The following ATP2B1 variants were observed in gnomAD, a reference collection of about 807,000 sequenced individuals.
ATP2B1 encodes the protein ATPase plasma membrane Ca2+ transporting 1.
ATP2B1 carries 14 observed loss-of-function variants against 124.2 expected under a neutral mutation model. That is an observed-to-expected ratio of 0.11 (90% CI 0.07 to 0.18). The LOEUF is 0.18. Among genes scored for constraint, ATP2B1 ranks in the 10% least tolerant of loss-of-function variants. The pLI is 1.00. For synonymous variants in ATP2B1, 449 were observed against 492.4 expected (o/e 0.91, Z 1.17); for missense variants, 763 against 1,466.1 (o/e 0.52, Z 7.83).
intron 20 of ATP2B1, among the ~76,000 whole-genome samples, chr12:89,595,601 T>C (rs1330578257): frequency 3.3e-5 from 5 of 152,098 alleles, no homozygotes; most frequent in Non-Finnish European, 7.4e-5. Context: ...CACCCATAGG[T>C]AGTTCTAAAA....
Position 89,599,113 on chromosome 12 carries a change from A to G in ATP2B1, c.3351+4T>C. 1 of 1,613,272 alleles carries G rather than the reference A, an allele frequency of 6.2e-7. No individual in the cohort carries two copies. The highest frequency in any genetic ancestry group is 1.1e-5 in the South Asian group (1 of 91,040). ...TCTCTCCTACCTCTCTACCAGGCCC[A>G]TACCTGTGTTTGGATTCTGTTCAGA... On this transcript the variant is annotated splice_donor_region_variant and intron_variant, in intron 20 of 20. Coordinates refer to ENST00000428670, the MANE Select transcript of ATP2B1 (RefSeq NM_001366521.1).
intron 1 of ATP2B1, among the ~76,000 whole-genome samples, chr12:89,684,079 T>C (rs895830182): frequency 1.3e-5 from 2 of 151,908 alleles, no homozygotes; most frequent in South Asian, 4.2e-4. Context: ...AAAAGCAAAG[T>C]ACAAAACACA....
chr12:89,643,505 T>C (rs139615430), intron 2 of ATP2B1, among the ~76,000 whole-genome samples: 2 of 152,310 alleles, frequency 1.3e-5, no homozygotes, highest in African/African-American at 4.8e-5. Context: ...TGAATGTACC[T>C]ATTGTCACTT....
chr12:89,646,831 A>T (rs79501713), intron 2 of ATP2B1, among the ~76,000 whole-genome samples: 4 of 149,584 alleles, frequency 2.7e-5, no homozygotes, highest in Non-Finnish European at 6.0e-5. Context: ...TTTTATTTGC[A>T]TTTTTTTTTT....
At chr12:89,600,875 C>T (rs2135927375) in intron 19 of ATP2B1, among the ~76,000 whole-genome samples, 1 of 152,220 alleles carries the variant, frequency 6.6e-6, no homozygotes, top group Non-Finnish European at 1.5e-5. Context: ...TCTCTAACTC[C>T]TTACCTCAGG....
intron 2 of ATP2B1, among the ~76,000 whole-genome samples, chr12:89,643,438 G>T (rs1323954851): frequency 1.3e-5 from 2 of 152,042 alleles, no homozygotes; most frequent in African/African-American, 4.8e-5. Context: ...GTTATACTTC[G>T]ATTGATATAA....
chr12:89,677,969 T>C (rs199990257), intron 1 of ATP2B1, among the ~76,000 whole-genome samples: 15,457 of 58,178 alleles, frequency 0.27, 1,434 homozygotes, highest in Admixed American at 0.32. Context: ...TATATATATA[T>C]ATACACACAC....
chr12:89,691,485 A>G (rs1032611822), intron 1 of ATP2B1, among the ~76,000 whole-genome samples: 1 of 152,200 alleles, frequency 6.6e-6, no homozygotes, highest in Non-Finnish European at 1.5e-5. Flanking sequence ...ACTTGTCATT[A>G]TAAAGACAAA....
chr12:89,589,356 G>A lies in ATP2B1; in HGVS notation c.*1628C>T, dbSNP rs577586567. 2.0e-5 allele frequency: 3 copies of A among 152,594 alleles called. No individual in the cohort carries two copies. The East Asian group carries it at 5.8e-4, about 29-fold the overall frequency. The allele number at this position is 152,594 out of a possible 1,614,324, so 9.5% of individuals were successfully genotyped here. Reference sequence around the variant, plus strand: ...GTAAAGACAGAGGCAAAAAAGAGAAGAAGGTAGATGAAGGAAAGAAAAAGA... The same window carrying A: ...GTAAAGACAGAGGCAAAAAAGAGAAAAAGGTAGATGAAGGAAAGAAAAAGA... On this transcript the variant is annotated 3_prime_UTR_variant, in exon 21 of 21. Coordinates refer to ENST00000428670, the MANE Select transcript of ATP2B1 (RefSeq NM_001366521.1).
chr12:89,678,822 G>A (rs1422736929), intron 1 of ATP2B1, among the ~76,000 whole-genome samples: 4 of 152,018 alleles, frequency 2.6e-5, no homozygotes, highest in East Asian at 3.8e-4. Context: ...CTTCTCATTC[G>A]CACATTTACA....
Position 89,666,614 on chromosome 12 carries a change from C to A in ATP2B1, c.-221-10507G>T, listed in dbSNP as rs181389178. 6.6e-5 allele frequency among the ~76,000 whole-genome samples: 10 copies of A among 152,280 alleles called. No homozygotes were observed. In the East Asian group the frequency reaches 1.4e-3, roughly 21 times the overall value. ...CTCTTATGTCTCACTTGCTCTTTATCCTCCTACCACCCATCTGGTTAATTA... is the reference window on the plus strand; with the variant it reads ...CTCTTATGTCTCACTTGCTCTTTATACTCCTACCACCCATCTGGTTAATTA... On this transcript the variant is annotated intron_variant, in intron 1 of 20. Coordinates refer to ENST00000428670, the MANE Select transcript of ATP2B1 (RefSeq NM_001366521.1).
chr12:89,707,150 TC>T (rs1275949112), intron 1 of ATP2B1, among the ~76,000 whole-genome samples: 1 of 151,682 alleles, frequency 6.6e-6, no homozygotes, highest in Non-Finnish European at 1.5e-5. Flanking sequence ...CCCTCTTAAT[TC>T]CCCCAATCCA....
intron 20 of ATP2B1, among the ~76,000 whole-genome samples, chr12:89,595,606 C>T (rs987487293): frequency 2.0e-5 from 3 of 152,130 alleles, no homozygotes; most frequent in Non-Finnish European, 2.9e-5. Flanking sequence ...ATAGGTAGTT[C>T]TAAAACTATT....
intron 1 of ATP2B1, among the ~76,000 whole-genome samples, chr12:89,667,857 C>T (rs1257782717): frequency 2.6e-5 from 4 of 152,174 alleles, no homozygotes; most frequent in African/African-American, 9.7e-5. Context: ...AAACTACCAA[C>T]ACCATTTTTC....
intron 12 of ATP2B1, among the ~76,000 whole-genome samples, chr12:89,616,153 G>A (rs1020942850): frequency 6.6e-6 from 1 of 152,018 alleles, no homozygotes; most frequent in African/African-American, 2.4e-5. Context: ...TTTGAGGCCG[G>A]TGATCAGATC....
intron 1 of ATP2B1, among the ~76,000 whole-genome samples, chr12:89,677,122 T>C (rs1002488000): frequency 5.3e-5 from 8 of 152,172 alleles, no homozygotes; most frequent in African/African-American, 1.9e-4. Flanking sequence ...ACTCTGTATA[T>C]GTGCAGGGAT....
At chr12:89,617,875 T>C (rs1879263480) in intron 11 of ATP2B1, among the ~76,000 whole-genome samples, 1 of 152,228 alleles carries the variant, frequency 6.6e-6, no homozygotes, top group Non-Finnish European at 1.5e-5. Context: ...ATCATTTTGA[T>C]GTAAGTCTAA....
intron 2 of ATP2B1, among the ~76,000 whole-genome samples, chr12:89,650,474 G>A (rs1885097465): frequency 6.6e-6 from 1 of 152,092 alleles, no homozygotes; most frequent in Non-Finnish European, 1.5e-5. Context: ...AGTTTGGTGG[G>A]GGAGACTGAC....
intron 1 of ATP2B1, among the ~76,000 whole-genome samples, chr12:89,704,349 AAC>A: frequency 6.6e-6 from 1 of 152,334 alleles, no homozygotes; most frequent in South Asian, 2.1e-4. Flanking sequence ...AGTAAATCAA[AAC>A]ACAAACTGTT....
Sources: allele counts gnomAD v4.1 joint callset (sites outside exome capture counted in the v4.1 genomes callset), GRCh38; gene constraint gnomAD v4.1.1; transcripts MANE v1.5; gene names NCBI Gene and HGNC (gene_info 2026-07-23, HGNC 2026-07-21).